The following LINGO2 variants were observed in gnomAD, a reference collection of about 807,000 sequenced individuals.
LINGO2 encodes the protein leucine-rich repeat and immunoglobulin-like domain-containing nogo receptor-interacting protein 2.
In LINGO2, 14 loss-of-function variants were observed where a neutral mutation model predicts 30.6. The ratio of observed to expected loss-of-function variants is 0.46; its 90% confidence interval spans 0.30 to 0.72. The LOEUF (loss-of-function observed/expected upper bound fraction) is 0.72. Among genes scored for constraint, LINGO2 ranks in the 30% least tolerant of loss-of-function variants. The pLI is 0.07. For missense variants in LINGO2, 729 were observed against 751.7 expected (o/e 0.97, Z 0.35); for synonymous variants, 317 against 288.5 (o/e 1.10, Z -1.00).
At chr9:28,208,463 A>T (rs1820484453) in intron 4 of LINGO2, among the ~76,000 whole-genome samples, 1 of 152,078 alleles carries the variant, frequency 6.6e-6, no homozygotes, top group African/African-American at 2.4e-5. Flanking sequence ...AGCTAGAATT[A>T]TAACCTTTAT....
chr9:28,060,164 G>A (rs1825098082), intron 4 of LINGO2, among the ~76,000 whole-genome samples: 1 of 152,056 alleles, frequency 6.6e-6, no homozygotes, highest in Non-Finnish European at 1.5e-5. Flanking sequence ...TTGACCAAAA[G>A]TGGATACGTA....
chr9:27,987,501 T>C (rs1221144907), intron 5 of LINGO2, among the ~76,000 whole-genome samples: 5 of 151,890 alleles, frequency 3.3e-5, no homozygotes, highest in Non-Finnish European at 7.4e-5. Flanking sequence ...TTGTAAGTAC[T>C]GTACCCCCCA....
At chr9:28,980,057 C>T in the LINGO2 span, among the ~76,000 whole-genome samples, 4 of 152,090 alleles carry the variant, frequency 2.6e-5, no homozygotes, top group African/African-American at 9.7e-5. Flanking sequence ...TCCTCCCAAC[C>T]CAGTCTGCCC....
the LINGO2 span, among the ~76,000 whole-genome samples, chr9:28,826,681 A>G: frequency 6.6e-6 from 1 of 152,202 alleles, no homozygotes; most frequent in Non-Finnish European, 1.5e-5. Context: ...GGCAGGCTAA[A>G]TGATAATCAG....
intron 5 of LINGO2, among the ~76,000 whole-genome samples, chr9:28,010,344 C>T (rs936463692): frequency 3.9e-5 from 6 of 152,162 alleles, no homozygotes; most frequent in Non-Finnish European, 8.8e-5. Flanking sequence ...CAGCATGACT[C>T]TGCCCTAACA....
chr9:28,569,868 A>T (rs891398452), intron 1 of LINGO2, among the ~76,000 whole-genome samples: 3 of 152,020 alleles, frequency 2.0e-5, no homozygotes, highest in African/African-American at 7.2e-5. Flanking sequence ...TTCACAATAT[A>T]TGCATGTATT....
chr9:29,206,754 G>T, the LINGO2 span, among the ~76,000 whole-genome samples: 3 of 152,028 alleles, frequency 2.0e-5, no homozygotes, highest in African/African-American at 4.8e-5. Flanking sequence ...TGCTTAACAA[G>T]AACACAGAAT....
At chr9:28,373,298 T>C (rs1011415943) in intron 2 of LINGO2, among the ~76,000 whole-genome samples, 2 of 152,214 alleles carry the variant, frequency 1.3e-5, no homozygotes, top group African/African-American at 4.8e-5. Context: ...TCAGGTTCTA[T>C]ATTTCTACTC....
chr9:29,091,539 T>C, the LINGO2 span, among the ~76,000 whole-genome samples: 2 of 151,964 alleles, frequency 1.3e-5, no homozygotes, highest in Non-Finnish European at 2.9e-5. Context: ...CTAGGAGCCT[T>C]TTAAGATGTT....
chr9:28,712,731 A>G, the LINGO2 span, among the ~76,000 whole-genome samples: 1 of 152,012 alleles, frequency 6.6e-6, no homozygotes, highest in Non-Finnish European at 1.5e-5. Context: ...AGATTCTAGA[A>G]GAAAGCAAAA....
chr9:29,057,655 A>G, the LINGO2 span, among the ~76,000 whole-genome samples: 1 of 152,236 alleles, frequency 6.6e-6, no homozygotes, highest in East Asian at 1.9e-4. Context: ...TGTGCAGAGA[A>G]GCAGCTCAAA....
chr9:29,183,943 A>T, the LINGO2 span, among the ~76,000 whole-genome samples: 16 of 151,786 alleles, frequency 1.1e-4, no homozygotes, highest in South Asian at 3.3e-3. Flanking sequence ...GATGCACTTC[A>T]TATAATATTT....
rs1406285493 is a variant in LINGO2 at position 27,966,040 on chromosome 9, C to T, written c.-35-15334G>A. Among the ~76,000 whole-genome samples the T allele has an allele frequency of 3.3e-5, 5 of 152,054 alleles. No homozygotes were observed. In the South Asian group the frequency reaches 8.3e-4, roughly 25 times the overall value. On this transcript the variant is annotated intron_variant, in intron 5 of 5. Coordinates refer to ENST00000379992, the Ensembl canonical transcript of LINGO2. ...GGTTACTGTGTGAATGAAATGTGAT[C>T]GTGTACATAAAGTCAGAGCTCCATA...
chr9:28,000,841 G>C (rs952456113), intron 5 of LINGO2, among the ~76,000 whole-genome samples: 2 of 152,114 alleles, frequency 1.3e-5, no homozygotes, highest in Non-Finnish European at 2.9e-5. Context: ...CTCTCAAGTT[G>C]GGAGCCACTG....
chr9:29,145,271 T>C, the LINGO2 span, among the ~76,000 whole-genome samples: 2 of 152,180 alleles, frequency 1.3e-5, no homozygotes, highest in Admixed American at 6.5e-5. Flanking sequence ...GGTGTAGAGA[T>C]GGAAGTCCAT....
the LINGO2 span, among the ~76,000 whole-genome samples, chr9:29,071,148 A>G: frequency 2.3e-5 from 3 of 127,926 alleles, no homozygotes; most frequent in Middle Eastern, 7.5e-3. Flanking sequence ...ATTGCATCAC[A>G]GAGAATTATT....
At chr9:27,995,645 T>G (rs879697723) in intron 5 of LINGO2, among the ~76,000 whole-genome samples, 1 of 152,138 alleles carries the variant, frequency 6.6e-6, no homozygotes, top group Non-Finnish European at 1.5e-5. Flanking sequence ...AAAAAGCACT[T>G]GACTAAATTT....
intron 2 of LINGO2, among the ~76,000 whole-genome samples, chr9:28,407,594 C>A (rs139782262): frequency 6.6e-6 from 1 of 152,186 alleles, no homozygotes; most frequent in Non-Finnish European, 1.5e-5. Flanking sequence ...CCAACACTTG[C>A]AAATTTTCCT....
At chr9:28,941,108 T>C in the LINGO2 span, among the ~76,000 whole-genome samples, 1 of 151,854 alleles carries the variant, frequency 6.6e-6, no homozygotes, top group African/African-American at 2.4e-5. Flanking sequence ...AATAAGCAGA[T>C]ACAGTACTGG....
Sources: gnomAD v4.1 joint callset for allele counts (sites outside exome capture counted in the v4.1 genomes callset) on GRCh38, gnomAD v4.1.1 for gene constraint, MANE v1.5 for transcripts, NCBI Gene and HGNC (gene_info 2026-07-23, HGNC 2026-07-21) for gene names.